CDH12: variants seen among roughly 807,000 people sequenced by gnomAD.
CDH12 encodes the protein cadherin-12.
In CDH12, 41 loss-of-function variants were observed where a neutral mutation model predicts 74.1. The observed-to-expected ratio is 0.55, with a 90% CI of 0.43 to 0.72. The LOEUF is 0.72. Among genes scored for constraint, CDH12 ranks in the 30% least tolerant of loss-of-function variants. The pLI, the probability that CDH12 is intolerant of heterozygous loss-of-function variation, is 0.00. For synonymous variants in CDH12, 399 were observed against 355.0 expected, an observed-to-expected ratio of 1.12 and a Z score of -1.39; for missense variants, 945 against 977.2, an observed-to-expected ratio of 0.97 and a Z score of 0.44.
At chr5:22,655,673 G>T (rs556333170) in intron 1 of CDH12, among the ~76,000 whole-genome samples, 1 of 152,324 alleles carries the variant, frequency 6.6e-6, no homozygotes, top group East Asian at 1.9e-4. Flanking sequence ...GACAATGAAT[G>T]CCCTTTTGCA....
intron 1 of CDH12, among the ~76,000 whole-genome samples, chr5:22,804,326 C>A (rs1022218623): frequency 6.6e-6 from 1 of 151,996 alleles, no homozygotes; most frequent in Non-Finnish European, 1.5e-5. Context: ...TTTTATCTTC[C>A]CTCAAACCTA....
intron 1 of CDH12, among the ~76,000 whole-genome samples, chr5:22,507,168 T>G (rs552991352): frequency 6.6e-6 from 1 of 152,164 alleles, no homozygotes; most frequent in East Asian, 1.9e-4. Flanking sequence ...TACCTGATGG[T>G]TTTTTCACCA....
rs963979256 is a variant in CDH12, at chr5:22,020,078, G to C, written c.232-44693C>G. Among the ~76,000 whole-genome samples the C allele has an allele frequency of 3.3e-5, 5 of 152,160 alleles. 1 individual carries two copies. In the South Asian group the frequency reaches 8.3e-4, roughly 25 times the overall value. ...ATCTTCTGGAAGTGCTAAGTAGTTT[G>C]ATCTGATTAGAGATTCAGATACATG... On this transcript the variant is annotated intron_variant, in intron 5 of 14. Coordinates refer to ENST00000382254, the MANE Select transcript of CDH12 (RefSeq NM_004061.5).
chr5:22,556,281 G>A (rs575266998), intron 1 of CDH12, among the ~76,000 whole-genome samples: 1 of 152,102 alleles, frequency 6.6e-6, no homozygotes, highest in African/African-American at 2.4e-5. Context: ...ATGAAGTAAG[G>A]CTATGGGCAA....
At chr5:22,065,044 T>C (rs1211455909) in intron 5 of CDH12, among the ~76,000 whole-genome samples, 1 of 152,170 alleles carries the variant, frequency 6.6e-6, no homozygotes, top group Non-Finnish European at 1.5e-5. Flanking sequence ...TAATTTCTGA[T>C]AAGTCTTCTT....
At chr5:22,475,473 T>C (rs913076116) in intron 2 of CDH12, among the ~76,000 whole-genome samples, 1 of 151,868 alleles carries the variant, frequency 6.6e-6, no homozygotes, top group Non-Finnish European at 1.5e-5. Flanking sequence ...AATAAAAATA[T>C]TGACTATATT....
At chr5:22,255,509 T>C (rs907093357) in intron 3 of CDH12, among the ~76,000 whole-genome samples, 2 of 151,762 alleles carry the variant, frequency 1.3e-5, no homozygotes, top group African/African-American at 4.8e-5. Flanking sequence ...ATATACAGAT[T>C]GGAAGACTAT....
At chr5:22,152,209 C>G (rs991956293) in intron 4 of CDH12, 2 of 151,978 alleles carry the variant, frequency 1.3e-5, no homozygotes, top group Non-Finnish European at 2.9e-5. Context: ...TTTAAAACCC[C>G]TACCCTCCTT....
chr5:22,705,730 T>C (rs1330583970), intron 1 of CDH12, among the ~76,000 whole-genome samples: 1 of 152,036 alleles, frequency 6.6e-6, no homozygotes, highest in Non-Finnish European at 1.5e-5. Context: ...TTCCTTTTAA[T>C]ATACACTGAG....
At chr5:22,448,490 C>A (rs901580734) in intron 2 of CDH12, among the ~76,000 whole-genome samples, 1 of 151,972 alleles carries the variant, frequency 6.6e-6, no homozygotes, top group Non-Finnish European at 1.5e-5. Flanking sequence ...ATCAAAGTAT[C>A]ATTATCTGGT....
intron 2 of CDH12, among the ~76,000 whole-genome samples, chr5:22,420,624 C>A (rs1044660155): frequency 6.6e-6 from 1 of 151,982 alleles, no homozygotes; most frequent in African/African-American, 2.4e-5. Context: ...CCAGCCTTTT[C>A]TTTTTCCTTA....
At chr5:21,774,876 TG>T (rs1745503186) in intron 11 of CDH12, among the ~76,000 whole-genome samples, 1 of 152,192 alleles carries the variant, frequency 6.6e-6, no homozygotes, top group Non-Finnish European at 1.5e-5. Flanking sequence ...CATATATTCA[TG>T]GTAACTGATT....
intron 10 of CDH12, among the ~76,000 whole-genome samples, chr5:21,788,132 T>C (rs920706732): frequency 3.2e-4 from 49 of 152,080 alleles, no homozygotes; most frequent in African/African-American, 1.1e-3. Flanking sequence ...AAGACTTTAG[T>C]TGGGAAGACA....
At chr5:22,827,679 G>C (rs932625322) in intron 1 of CDH12, among the ~76,000 whole-genome samples, 1 of 152,076 alleles carries the variant, frequency 6.6e-6, no homozygotes, top group South Asian at 2.1e-4. Flanking sequence ...AGTATACATG[G>C]CATTAATCAT....
At chr5:22,073,813 G>A (rs1409184340) in intron 5 of CDH12, among the ~76,000 whole-genome samples, 2 of 152,062 alleles carry the variant, frequency 1.3e-5, no homozygotes, top group African/African-American at 2.4e-5. Flanking sequence ...TCACTCAGTT[G>A]CCTCTACAAA....
chr5:22,387,101 C>T (rs1216390758), intron 3 of CDH12, among the ~76,000 whole-genome samples: 4 of 151,898 alleles, frequency 2.6e-5, no homozygotes, highest in African/African-American at 9.7e-5. Flanking sequence ...AGCTTCTTTT[C>T]TACAAACTGA....
At chr5:21,817,500 A>G (rs984431962) in intron 8 of CDH12, among the ~76,000 whole-genome samples, 1 of 152,028 alleles carries the variant, frequency 6.6e-6, no homozygotes, top group Non-Finnish European at 1.5e-5. Context: ...CAAGACATAG[A>G]TAAAAAGTTA....
intron 2 of CDH12, among the ~76,000 whole-genome samples, chr5:22,466,731 T>A (rs1397724290): frequency 6.6e-6 from 1 of 151,450 alleles, no homozygotes. Context: ...TTACAACTTT[T>A]TGCAAATTCT....
At position 21,842,181 on chromosome 5, in the gene CDH12, T is replaced by C; in HGVS notation, c.794A>G (p.Asn265Ser). ...CATACTTTTGGGGAATCGAGGTGGA[T>C]TGTCATTGACATCGGTGAGAGTGAT... The part of the protein sequence containing the change: ...VNITLTDVND[N>S]PPRFPKSIFH... The change falls in exon 8 of 15, where the codon AAT (asparagine) becomes AGT (serine). Residue 265 changes from asparagine (N) to serine (S), a missense_variant. Around this residue, in one of 3 missense-constraint regions of CDH12, gnomAD observed 791 missense variants for 792.8 expected, o/e 1.00. Coordinates refer to ENST00000382254, the MANE Select transcript of CDH12 (RefSeq NM_004061.5). The C allele has an allele frequency of 6.2e-7, 1 of 1,611,002 alleles. No individual in the cohort carries two copies. Among genetic ancestry groups the C allele is most frequent in the Non-Finnish European group, 8.5e-7 (1 of 1,178,936 alleles).
Sources: gnomAD v4.1 joint callset for allele counts (sites outside exome capture counted in the v4.1 genomes callset) on GRCh38, gnomAD v4.1.1 for gene constraint, gnomAD v4.1.1 regional missense constraint, MANE v1.5 for transcripts, NCBI Gene and HGNC (gene_info 2026-07-23, HGNC 2026-07-21) for gene names.